XPR1: variants seen among roughly 807,000 people sequenced by gnomAD.
The protein encoded by XPR1 is solute carrier family 53 member 1.
A neutral mutation model predicts 87.5 loss-of-function variants in XPR1; 28 were observed. The observed-to-expected ratio is 0.32, with a 90% CI of 0.24 to 0.44. The LOEUF is 0.44. XPR1 is among the 20% of genes least tolerant of loss of function. XPR1 has a pLI of 1.00. For missense variants in XPR1, 559 were observed against 862.3 expected (o/e 0.65, Z 4.41); for synonymous variants, 300 against 306.1 (o/e 0.98, Z 0.21).
In XPR1 at chr1:180,825,407, A is replaced by AT. The variant is rs1475374893; in HGVS notation, c.1134+64dup. 1.4e-5 allele frequency: 21 copies of AT among 1,516,252 alleles called. No homozygotes were observed. The Admixed American group carries it at 3.1e-4, about 23-fold the overall frequency. The allele number at this position is 1,516,252 out of a possible 1,614,324, so 93.9% of individuals were successfully genotyped here. On this transcript the variant is annotated intron_variant, in intron 9 of 14. Transcript: ENST00000367590. ...ATATTGGTTATTGACTTCCTCTAAG[A>AT]TAAAACCAAGGCTGCTAGGTTGTAC... is the stretch of plus-strand genomic sequence containing the variant.
Position 180,884,122 on chromosome 1 carries a change from C to A in XPR1, c.*56C>A. 6.5e-7 allele frequency: 1 copy of A among 1,544,060 alleles called. No individual in the cohort carries two copies. The highest frequency in any genetic ancestry group is 8.9e-7 in the Non-Finnish European group (1 of 1,120,470). On this transcript the variant is annotated 3_prime_UTR_variant, in exon 15 of 15. Coordinates refer to ENST00000367590, the MANE Select transcript of XPR1 (RefSeq NM_004736.4). ...TTTTCCTACTCTACAATCCTTTCCT[C>A]GACCAACGCAACCTCTAGTACCTTT... is the stretch of plus-strand genomic sequence containing the variant.
intron 7 of XPR1, among the ~76,000 whole-genome samples, chr1:180,820,474 A>G (rs1439673789): frequency 1.3e-5 from 2 of 152,218 alleles, no homozygotes; most frequent in African/African-American, 2.4e-5. Context: ...TTTATGGCTG[A>G]GTAATATTCC....
At chr1:180,867,204 G>A (rs1289927725) in intron 12 of XPR1, among the ~76,000 whole-genome samples, 49 of 56,102 alleles carry the variant, frequency 8.7e-4, no homozygotes, top group Non-Finnish European at 1.0e-3. Flanking sequence ...TCTTAATCCA[G>A]TCTATCATTG....
intron 1 of XPR1, among the ~76,000 whole-genome samples, chr1:180,661,300 GT>G (rs945032453): frequency 1.3e-5 from 2 of 151,328 alleles, no homozygotes; most frequent in African/African-American, 2.4e-5. Flanking sequence ...ACAGGGTCTT[GT>G]TTTTTTTAAC....
chr1:180,861,980 T>C (rs1194167607), intron 11 of XPR1, among the ~76,000 whole-genome samples: 1 of 152,046 alleles, frequency 6.6e-6, no homozygotes, highest in Non-Finnish European at 1.5e-5. Context: ...AAAGCAAAAA[T>C]TAATAAAATT....
intron 12 of XPR1, among the ~76,000 whole-genome samples, chr1:180,864,687 A>G (rs953582488): frequency 8.5e-5 from 13 of 152,322 alleles, no homozygotes; most frequent in Middle Eastern, 3.4e-3. Flanking sequence ...CTATGTATTA[A>G]TAAAAAGACA....
chr1:180,726,786 T>A (rs1571770805), intron 2 of XPR1, among the ~76,000 whole-genome samples: 1 of 152,216 alleles, frequency 6.6e-6, no homozygotes, highest in African/African-American at 2.4e-5. Context: ...GGAATACTTA[T>A]TTTTGTAAAA....
chr1:180,758,147 A>ACG (rs1483299661), intron 2 of XPR1, among the ~76,000 whole-genome samples: 2 of 150,888 alleles, frequency 1.3e-5, no homozygotes, highest in African/African-American at 4.9e-5. Flanking sequence ...ACACACACAC[A>ACG]TTATTCAGCC....
chr1:180,686,619 A>T (rs73051232), intron 2 of XPR1, among the ~76,000 whole-genome samples: 2,555 of 152,102 alleles, frequency 0.017, 80 homozygotes, highest in African/African-American at 0.056. Flanking sequence ...TATTGTTTTA[A>T]CACTCCACAT....
chr1:180,803,633 A>C lies in XPR1; in HGVS notation c.447+22A>C, dbSNP rs1649877070. ...TCAGGTACTTAGATTCTTACCCTAG[A>C]AAATGGCACCTTTAAGTAAATGAGA... On this transcript the variant is annotated intron_variant, in intron 4 of 14. Coordinates refer to ENST00000367590, the MANE Select transcript of XPR1 (RefSeq NM_004736.4). The C allele has an allele frequency of 3.8e-6, 6 of 1,585,726 alleles. No individual in the cohort carries two copies. The East Asian group carries it at 6.7e-5, about 18-fold the overall frequency.
At chr1:180,753,659 T>A (rs1216739877) in intron 2 of XPR1, among the ~76,000 whole-genome samples, 1 of 152,138 alleles carries the variant, frequency 6.6e-6, no homozygotes. Context: ...TTTTAGTAGT[T>A]TTATAATACT....
intron 1 of XPR1, among the ~76,000 whole-genome samples, chr1:180,633,193 G>A (rs1051053980): frequency 6.6e-6 from 1 of 152,048 alleles, no homozygotes; most frequent in Non-Finnish European, 1.5e-5. Context: ...CATTAATAAA[G>A]GGAAAAATAA....
intron 2 of XPR1, among the ~76,000 whole-genome samples, chr1:180,723,725 G>A (rs1369709325): frequency 6.6e-6 from 1 of 152,026 alleles, no homozygotes; most frequent in Non-Finnish European, 1.5e-5. Flanking sequence ...TGGTGATCCA[G>A]AGCCATCTTA....
At chr1:180,851,531 G>A (rs1028183244) in intron 11 of XPR1, among the ~76,000 whole-genome samples, 4 of 152,194 alleles carry the variant, frequency 2.6e-5, no homozygotes, top group African/African-American at 9.7e-5. Context: ...GAAAGGTATG[G>A]TGTAAACAAT....
chr1:180,677,941 G>A (rs1656422292), intron 1 of XPR1, among the ~76,000 whole-genome samples: 1 of 152,190 alleles, frequency 6.6e-6, no homozygotes, highest in Admixed American at 6.5e-5. Flanking sequence ...TTGCAAAGGT[G>A]TTTTCAGTTT....
At chr1:180,756,168 CAATCAGGAGG>C (rs200754667) in intron 2 of XPR1, among the ~76,000 whole-genome samples, 1,749 of 152,216 alleles carry the variant, frequency 0.011, 21 homozygotes, top group Non-Finnish European at 0.017. Context: ...AACTTAAATC[CAATCAGGAGG>C]AATCATCAGA....
chr1:180,787,575 G>A (rs933690960), intron 2 of XPR1, among the ~76,000 whole-genome samples, 178 bp from the exon 3 acceptor site: 10 of 152,246 alleles, frequency 6.6e-5, no homozygotes, highest in South Asian at 2.1e-4. Flanking sequence ...CATCGCACTC[G>A]GCCTGAAAAG....
At chr1:180,873,478 C>G (rs1346132137) in intron 12 of XPR1, among the ~76,000 whole-genome samples, 3 of 152,170 alleles carry the variant, frequency 2.0e-5, no homozygotes, top group African/African-American at 7.2e-5. Flanking sequence ...CTCAATCAAT[C>G]AAGGATCTTA....
chr1:180,722,934 T>C (rs1345779140), intron 2 of XPR1, among the ~76,000 whole-genome samples: 1 of 152,230 alleles, frequency 6.6e-6, no homozygotes, highest in Non-Finnish European at 1.5e-5. Flanking sequence ...AAAATAATTA[T>C]GTGGGTGAGT....
Sources: allele counts gnomAD v4.1 joint callset (sites outside exome capture counted in the v4.1 genomes callset), GRCh38; gene constraint gnomAD v4.1.1; transcripts MANE v1.5; gene names NCBI Gene and HGNC (gene_info 2026-07-23, HGNC 2026-07-21).